The following VPS13C variants were observed in gnomAD, a reference collection of about 807,000 sequenced individuals.
VPS13C encodes the protein intermembrane lipid transfer protein VPS13C.
A neutral mutation model predicts 456.8 loss-of-function variants in VPS13C; 358 were observed. The ratio of observed to expected loss-of-function variants is 0.78; its 90% CI spans 0.72 to 0.86. The LOEUF (loss-of-function observed/expected upper bound fraction) is 0.86, where lower values mean the gene tolerates loss of function less well. Ranked by LOEUF, VPS13C falls within the 40% of genes least tolerant of loss-of-function variation. The probability of loss-of-function intolerance (pLI) is 0.00; values close to 1 mark genes in which losing one functional copy is unlikely to be tolerated. For missense variants in VPS13C, 4,818 were observed against 4,385.4 expected (o/e 1.10, Z -2.79); for synonymous variants, 1,578 against 1,486.7 (o/e 1.06, Z -1.41).
At chr15:61,917,254 C>T in intron 60 of VPS13C, 87 bp downstream of exon 60, 1 of 1,382,850 alleles carries the variant, frequency 7.2e-7, no homozygotes. Context: ...CTATATAAAA[C>T]ACTGACCTCA....
chr15:62,008,839 G>A (rs1393213033), intron 13 of VPS13C, 78 bp from the exon 14 acceptor site: 1 of 848,386 alleles, frequency 1.2e-6, no homozygotes, highest in East Asian at 3.0e-5. Flanking sequence ...TATTTTTTAG[G>A]CTAGTGAGAC....
Position 61,853,399 on chromosome 15 carries a change from AAAT to A in VPS13C, c.*1055_*1057del, listed in dbSNP as rs1464457724. On this transcript the variant is annotated 3_prime_UTR_variant, in exon 85 of 85. Coordinates refer to ENST00000644861, the MANE Select transcript of VPS13C (RefSeq NM_020821.3). The stretch of plus-strand genomic sequence containing the variant: ...AAGTGCAGTATTTTCATGTATCAGC[AAAT>A]AATAATTGTGTCATATAAGCTCATC... The A allele has an allele frequency of 1.3e-5, 2 of 152,230 alleles. No individual in the cohort carries two copies. Among genetic ancestry groups the A allele is most frequent in the African/African-American group, 2.4e-5 (1 of 41,464 alleles). 9.4% of individuals were successfully genotyped at this position (152,230 alleles called of 1,614,324 possible). A position where few individuals can be genotyped will look rare whatever the true frequency, so the allele number is the denominator to read the frequency against.
chr15:61,903,859 C>T (rs529620637), intron 66 of VPS13C, among the ~76,000 whole-genome samples: 1 of 152,150 alleles, frequency 6.6e-6, no homozygotes, highest in East Asian at 1.9e-4. Flanking sequence ...TCAACAAAGG[C>T]GGCAAGAGAA....
chr15:61,923,855 C>T (rs1596336516), intron 53 of VPS13C, among the ~76,000 whole-genome samples: 1 of 114,346 alleles, frequency 8.7e-6, no homozygotes, highest in African/African-American at 3.5e-5. Context: ...GACCACCCCT[C>T]TAAATCTTTT....
chr15:61,934,559 CTA>C (rs1282813577), intron 48 of VPS13C, among the ~76,000 whole-genome samples: 1 of 152,020 alleles, frequency 6.6e-6, no homozygotes, highest in Non-Finnish European at 1.5e-5. Flanking sequence ...CACAGGCAGA[CTA>C]TGTTAAAAAA....
intron 16 of VPS13C, among the ~76,000 whole-genome samples, chr15:61,998,739 G>A (rs1362161338): frequency 1.3e-5 from 2 of 152,126 alleles, no homozygotes; most frequent in Non-Finnish European, 2.9e-5. Context: ...AACAAGTGTA[G>A]AGATGACCCT....
chr15:61,903,826 A>G (rs544015461), intron 66 of VPS13C, among the ~76,000 whole-genome samples: 9 of 152,298 alleles, frequency 5.9e-5, no homozygotes, highest in Non-Finnish European at 4.4e-5. Context: ...AAATAAATCC[A>G]TGCATTTACA....
Position 62,057,324 on chromosome 15 carries a change from T to C in VPS13C, c.100+2951A>G, listed in dbSNP as rs1026209962. ...AAACTTGTCAACATCATGGTTATCA[T>C]AAAATGTCACCTATTTTATTAAATT... On this transcript the variant is annotated intron_variant, in intron 1 of 84. Transcript: ENST00000644861. Among the ~76,000 whole-genome samples, 3 of 152,362 alleles carry C rather than the reference T, an allele frequency of 2.0e-5. No homozygotes were observed. In the South Asian group the frequency reaches 6.2e-4, roughly 32 times the overall value.
intron 28 of VPS13C, among the ~76,000 whole-genome samples, chr15:61,967,969 T>C (rs1307018337): frequency 6.6e-6 from 1 of 152,074 alleles, no homozygotes; most frequent in Admixed American, 6.6e-5. Context: ...TTTGCAATTC[T>C]TTTAACTCTT....
At position 61,877,683 on chromosome 15, in the gene VPS13C, C is replaced by T. The variant is rs115875819; in HGVS notation, c.10143-629G>A. Among the ~76,000 whole-genome samples, 596 of 151,890 alleles carry T rather than the reference C, an allele frequency of 3.9e-3. 4 individuals carry two copies. Among genetic ancestry groups the T allele is most frequent in the African/African-American group, 0.014 (561 of 41,510 alleles). On this transcript the variant is annotated intron_variant, in intron 74 of 84. Transcript: ENST00000644861. Reference sequence around the variant, plus strand: ...GGCTCCTAACAAATGCAGTTTTCCACTTATACCAACAGTATTTAAAAAGTA... The same window carrying T: ...GGCTCCTAACAAATGCAGTTTTCCATTTATACCAACAGTATTTAAAAAGTA...
At chr15:61,889,295 C>T (rs1896498851) in intron 67 of VPS13C, among the ~76,000 whole-genome samples, 1 of 151,880 alleles carries the variant, frequency 6.6e-6, no homozygotes, top group African/African-American at 2.4e-5. Flanking sequence ...AAATATATAA[C>T]AAAGAATGCA....
intron 9 of VPS13C, among the ~76,000 whole-genome samples, chr15:62,018,681 C>T (rs566736063): frequency 3.3e-5 from 5 of 151,940 alleles, no homozygotes; most frequent in Non-Finnish European, 5.9e-5. Context: ...CTGCTGGATT[C>T]GGTTTGCCAG....
At chr15:62,045,530 G>A (rs764544664) in intron 1 of VPS13C, among the ~76,000 whole-genome samples, 1 of 151,996 alleles carries the variant, frequency 6.6e-6, no homozygotes, top group African/African-American at 2.4e-5. Context: ...TAACTGGAGG[G>A]TATAAGAAAA....
At chr15:61,906,731 G>C (rs1386093331) in intron 66 of VPS13C, 1 of 159,190 alleles carries the variant, frequency 6.3e-6, no homozygotes, top group Non-Finnish European at 1.4e-5. Flanking sequence ...TGGGAGGATG[G>C]TATATGAATT....
chr15:62,016,163 A>G (rs1212042547), intron 9 of VPS13C, among the ~76,000 whole-genome samples: 1 of 149,732 alleles, frequency 6.7e-6, no homozygotes, highest in Non-Finnish European at 1.5e-5. Context: ...CCACCCTACC[A>G]TTCTTCTTCC....
Position 61,907,395 on chromosome 15 carries a change from AAC to A in VPS13C, c.8979-7_8979-6del. 1 of 1,613,078 alleles carries A rather than the reference AAC, an allele frequency of 6.2e-7. No individual in the cohort carries two copies. Among genetic ancestry groups the A allele is most frequent in the Non-Finnish European group, 8.5e-7 (1 of 1,179,484 alleles). ...ACCATTTCTTCTGGTGACCCACTAA[AAC>A]ACAATGAACAGAGAGAAAATCAGAA... is the stretch of plus-strand genomic sequence containing the variant. On this transcript the variant is annotated splice_polypyrimidine_tract_variant and splice_region_variant and intron_variant, in intron 65 of 84. Transcript: ENST00000644861.
chr15:61,872,733 C>T (rs1409128545), intron 78 of VPS13C, among the ~76,000 whole-genome samples: 1 of 152,014 alleles, frequency 6.6e-6, no homozygotes, highest in Non-Finnish European at 1.5e-5. Context: ...TCTAGCCTTA[C>T]TTATAATGTT....
In VPS13C at chr15:61,856,218, G is replaced by A; in HGVS notation, c.11076+68C>T. On this transcript the variant is annotated intron_variant, in intron 83 of 84. Transcript: ENST00000644861. ...GACACTAATCCTTCAAATATTTTGT[G>A]TAGTTAACTGCAAAACAGTCTAAAA... is the stretch of plus-strand genomic sequence containing the variant. The A allele has an allele frequency of 1.3e-6, 2 of 1,568,762 alleles. 1 individual carries two copies. Among genetic ancestry groups the A allele is most frequent in the South Asian group, 2.3e-5 (2 of 86,342 alleles).
At chr15:61,904,565 G>C (rs1484106523) in intron 66 of VPS13C, among the ~76,000 whole-genome samples, 3 of 150,874 alleles carry the variant, frequency 2.0e-5, no homozygotes, top group South Asian at 4.2e-4. Context: ...TAAAGTAGTA[G>C]AGCTACATGG....
Sources: allele counts gnomAD v4.1 joint callset (sites outside exome capture counted in the v4.1 genomes callset), GRCh38; gene constraint gnomAD v4.1.1; transcripts MANE v1.5; gene names NCBI Gene and HGNC (gene_info 2026-07-23, HGNC 2026-07-21).